The following MST1R variants were observed in gnomAD, a reference collection of about 807,000 sequenced individuals.
MST1R encodes the protein macrophage-stimulating protein receptor.
In MST1R, 99 loss-of-function variants were observed where a neutral mutation model predicts 117.8. That is an observed-to-expected ratio of 0.84 (90% confidence interval 0.71 to 0.99). The LOEUF (loss-of-function observed/expected upper bound fraction) is 0.99. Among genes scored for constraint, MST1R ranks in the 50% least tolerant of loss-of-function variants. The pLI, the probability that MST1R is intolerant of heterozygous loss-of-function variation, is 0.00. For synonymous variants in MST1R, 734 were observed against 765.3 expected (o/e 0.96, Z 0.68); for missense variants, 1,683 against 1,840.2 (o/e 0.91, Z 1.56).
intron 1 of MST1R, among the ~76,000 whole-genome samples, chr3:49,901,493 A>T (rs537030708): frequency 9.4e-5 from 14 of 148,476 alleles, no homozygotes; most frequent in South Asian, 2.1e-4. Flanking sequence ...AAATACAGTT[A>T]AAAAAAAAAG....
chr3:49,898,753 C>T, intron 3 of MST1R, 65 bp from the exon 4 acceptor site: 1 of 1,606,152 alleles, frequency 6.2e-7, no homozygotes, highest in East Asian at 2.2e-5. Context: ...ATAGACCCTC[C>T]CGGTACACAG....
At chr3:49,898,275 C>T in intron 4 of MST1R, 64 bp from the exon 5 acceptor site, 2 of 1,592,334 alleles carry the variant, frequency 1.3e-6, no homozygotes, top group Non-Finnish European at 1.7e-6. Context: ...CCACCTGCTT[C>T]CCCAAAGTCT....
At chr3:49,901,551 C>T (rs1343765813) in intron 1 of MST1R, among the ~76,000 whole-genome samples, 1 of 152,132 alleles carries the variant, frequency 6.6e-6, no homozygotes, top group Admixed American at 6.5e-5. Context: ...CTTTACTTAT[C>T]CCCAGATGTT....
intron 7 of MST1R, 149 bp from the exon 8 acceptor site, chr3:49,897,039 G>A: frequency 8.3e-7 from 1 of 1,205,868 alleles, no homozygotes; most frequent in East Asian, 2.6e-5. Flanking sequence ...GGTGGTCCCA[G>A]GAAGACATCC....
chr3:49,899,423 A>G (rs2082594804), intron 1 of MST1R, 160 bp from the exon 2 acceptor site: 1 of 721,644 alleles, frequency 1.4e-6, no homozygotes, highest in Non-Finnish European at 2.3e-6. Context: ...CATTGCCCCC[A>G]CAGGGCTCTC....
chr3:49,895,926 C>A (rs763376805), intron 11 of MST1R, 35 bp downstream of exon 11: 7 of 1,570,708 alleles, frequency 4.5e-6, no homozygotes. Context: ...GCCCTCTGCC[C>A]GTGTTTCCCA....
chr3:49,895,431 G>A lies in MST1R; in HGVS notation c.3064+16C>T, dbSNP rs1433172449. On this transcript the variant is annotated intron_variant, in intron 13 of 19. Coordinates refer to ENST00000296474, the MANE Select transcript of MST1R (RefSeq NM_002447.4). ...ACAGGGGGTGGCTTTAGCTTCTCAT[G>A]CCTCCACTATCTCACCAAGGCCACT... 1 of 1,613,928 alleles carries A rather than the reference G, an allele frequency of 6.2e-7. No homozygotes were observed. Among genetic ancestry groups the A allele is most frequent in the African/African-American group, 1.3e-5 (1 of 74,918 alleles).
Position 49,896,345 on chromosome 3 carries a change from G to A in MST1R, c.2499C>T (p.Asp833=), listed in dbSNP as rs761997484. ...LCRLPEYVVR[D]PQGWVAGNLS... ...GATTCCCTGCCACCCATCCCTGGGGGTCTCGGACCACATATTCAGGAAGGC... is the reference window on the plus strand; with the variant it reads ...GATTCCCTGCCACCCATCCCTGGGGATCTCGGACCACATATTCAGGAAGGC... The change falls in exon 10 of 20, where the codon GAC becomes GAT. Residue 833 remains aspartate (D), a synonymous_variant. Transcript: ENST00000296474. 6.2e-7 allele frequency: 1 copy of A among 1,614,078 alleles called. No individual in the cohort carries two copies.
At chr3:49,896,506 C>T (rs1559475480) in intron 9 of MST1R, 34 bp downstream of exon 9, 2 of 1,612,428 alleles carry the variant, frequency 1.2e-6, no homozygotes, top group East Asian at 2.2e-5. Context: ...GGAACTCATC[C>T]AGCCTTCCTC....
In MST1R at chr3:49,890,653, T is replaced by C; in HGVS notation, c.3645-3A>G. 6.2e-7 allele frequency: 1 copy of C among 1,608,010 alleles called. No homozygotes were observed. Among genetic ancestry groups the C allele is most frequent in the South Asian group, 1.1e-5 (1 of 90,352 alleles). ...TGACTGTGAATGACTCGTCCAGCCT[T>C]AGGGGTAGGGAGAGGATCACACTTA... On this transcript the variant is annotated splice_region_variant and splice_polypyrimidine_tract_variant and intron_variant, in intron 17 of 19. Coordinates refer to ENST00000296474, the MANE Select transcript of MST1R (RefSeq NM_002447.4).
At chr3:49,888,203 AAGGTGGGTGGATCACG>A (rs2082216879) in intron 19 of MST1R, among the ~76,000 whole-genome samples, 2 of 150,114 alleles carry the variant, frequency 1.3e-5, no homozygotes, top group African/African-American at 4.9e-5. Context: ...TTGGGAGGCC[AAGGTGGGTGGATCACG>A]AGGTCAGGAG....
At chr3:49,892,218 C>A (rs1327926808) in intron 14 of MST1R, among the ~76,000 whole-genome samples, 1 of 151,660 alleles carries the variant, frequency 6.6e-6, no homozygotes, top group Non-Finnish European at 1.5e-5. Flanking sequence ...CCCACCTAGG[C>A]CTCCCAAAGT....
chr3:49,898,969 G>A lies in MST1R; in HGVS notation c.1446C>T (p.Tyr482=). Residue 482 remains tyrosine, a synonymous_variant, in exon 3 of 20, where the codon TAC becomes TAT. Coordinates refer to ENST00000296474, the MANE Select transcript of MST1R (RefSeq NM_002447.4). The part of the protein sequence containing the change: ...LQVELVRSLN[Y]LLYVSNFSLG... Reference sequence around the variant, plus strand: ...GTGAGAAGTTGGACACATACAGCAAGTAGTTTAGTGACCTGACCAGCTCCA... The same window carrying A: ...GTGAGAAGTTGGACACATACAGCAAATAGTTTAGTGACCTGACCAGCTCCA... 1 of 1,614,220 alleles carries A rather than the reference G, an allele frequency of 6.2e-7. No individual in the cohort carries two copies. Among genetic ancestry groups the A allele is most frequent in the Non-Finnish European group, 8.5e-7 (1 of 1,180,042 alleles).
chr3:49,896,610 C>A lies in MST1R; in HGVS notation c.2369G>T (p.Gly790Val), dbSNP rs749568401. The A allele has an allele frequency of 1.2e-6, 2 of 1,614,208 alleles. No homozygotes were observed. Among genetic ancestry groups the A allele is most frequent in the Admixed American group, 3.3e-5 (2 of 60,032 alleles). The change falls in exon 9 of 20, where the codon GGC becomes GTC. Residue 790 changes from glycine (G) to valine (V), a missense_variant. By Grantham distance (109) the Gly-to-Val change is moderately radical (BLOSUM62 -3). Coordinates refer to ENST00000296474, the MANE Select transcript of MST1R (RefSeq NM_002447.4). ...GTGCCATGCTGAAGTTAGATGCTGG[C>A]CACAGATGGTGATGTGGGAGTTGCT... ...GYINSHITICGQHLTSAWHLV... is the reference protein window; with the variant it reads ...GYINSHITICVQHLTSAWHLV...
chr3:49,892,835 C>T (rs2082353998), intron 14 of MST1R, among the ~76,000 whole-genome samples: 1 of 151,536 alleles, frequency 6.6e-6, no homozygotes, highest in Non-Finnish European at 1.5e-5. Flanking sequence ...TGGCAGGCCC[C>T]TGTAATCCCA....
At chr3:49,888,233 G>A (rs1362114665) in intron 19 of MST1R, among the ~76,000 whole-genome samples, 4 of 151,878 alleles carry the variant, frequency 2.6e-5, no homozygotes, top group Admixed American at 6.6e-5. Context: ...TCAGGAGATC[G>A]AGACCATCCT....
chr3:49,889,960 C>T lies in MST1R; in HGVS notation c.3911G>A (p.Arg1304Gln), dbSNP rs998378597. ...FDLTHFLAQG[R>Q]RLPQPEYCPD... Reference sequence around the variant, plus strand: ...GCAATACTCAGGCTGGGGCAGGCGCCGACCCTGGGCCAGGAAGTGGGTAAG... The same window carrying T: ...GCAATACTCAGGCTGGGGCAGGCGCTGACCCTGGGCCAGGAAGTGGGTAAG... Residue 1304 changes from arginine to glutamine, a missense_variant, in exon 19 of 20, where the codon CGG (arginine) becomes CAG (glutamine). By Grantham distance (43) the Arg-to-Gln change is conservative. Coordinates refer to ENST00000296474, the MANE Select transcript of MST1R (RefSeq NM_002447.4). The T allele has an allele frequency of 1.2e-5, 19 of 1,613,966 alleles. No homozygotes were observed. Among genetic ancestry groups the T allele is most frequent in the African/African-American group, 6.7e-5 (5 of 74,918 alleles).
At chr3:49,895,058 G>A (rs1445461308) in intron 14 of MST1R, 109 bp downstream of exon 14, 74 of 1,144,784 alleles carry the variant, frequency 6.5e-5, no homozygotes, top group Non-Finnish European at 8.5e-5. Flanking sequence ...TGATCTGCCC[G>A]CCTCGGCCTC....
chr3:49,899,413 C>T (rs753883076), intron 1 of MST1R, 150 bp from the exon 2 acceptor site: 4 of 782,348 alleles, frequency 5.1e-6, no homozygotes, highest in Non-Finnish European at 8.1e-6. Context: ...TACCATCCCA[C>T]ATTGCCCCCA....
Sources: allele counts gnomAD v4.1 joint callset (sites outside exome capture counted in the v4.1 genomes callset), GRCh38; gene constraint gnomAD v4.1.1; transcripts MANE v1.5; gene names NCBI Gene and HGNC (gene_info 2026-07-23, HGNC 2026-07-21).